STK32B: variants seen among roughly 807,000 people sequenced by gnomAD.
STK32B encodes serine/threonine kinase 32B.
A neutral mutation model predicts 52.6 loss-of-function variants in STK32B; 43 were observed. The observed-to-expected ratio is 0.82, with a 90% CI of 0.64 to 1.05. The LOEUF (loss-of-function observed/expected upper bound fraction) is 1.05. STK32B is among the 50% of genes least tolerant of loss of function. The pLI is 0.00. For missense variants in STK32B, 621 were observed against 534.6 expected, an observed-to-expected ratio of 1.16 and a Z score of -1.59; for synonymous variants, 238 against 204.3, an observed-to-expected ratio of 1.17 and a Z score of -1.41.
In STK32B at chr4:5,051,825, C is replaced by A. The variant is rs778778652; in HGVS notation, c.-39C>A. Reference sequence around the variant, plus strand: ...GTCCCACATCCCGCATCCGGCATCCCAGCGGCCGGGCATGTAGCAGCGGCA... The same window carrying A: ...GTCCCACATCCCGCATCCGGCATCCAAGCGGCCGGGCATGTAGCAGCGGCA... On this transcript the variant is annotated 5_prime_UTR_variant, in exon 1 of 12. Coordinates refer to ENST00000282908, the MANE Select transcript of STK32B (RefSeq NM_018401.3). The A allele has an allele frequency of 1.9e-6, 3 of 1,574,512 alleles. No individual in the cohort carries two copies. The highest frequency in any genetic ancestry group is 8.6e-7 in the Non-Finnish European group (1 of 1,160,986).
intron 1 of STK32B, among the ~76,000 whole-genome samples, chr4:5,136,160 C>A (rs1449756815): frequency 6.6e-6 from 1 of 152,152 alleles, no homozygotes; most frequent in Non-Finnish European, 1.5e-5. Context: ...CCACAGTGAT[C>A]CCTAAGGAGA....
chr4:5,334,085 G>A lies in STK32B; in HGVS notation c.434+2692G>A, dbSNP rs542079011. 3.4e-3 allele frequency among the ~76,000 whole-genome samples: 513 copies of A among 152,022 alleles called. 4 individuals are homozygous for A. The highest frequency in any genetic ancestry group is 0.025 in the South Asian group (121 of 4,814). On this transcript the variant is annotated intron_variant, in intron 4 of 11. Transcript: ENST00000282908. ...CCTTGGGCAGTATGGCCATTTTCAC[G>A]ATATTGATTCTTCCTACCCATGAGC...
intron 1 of STK32B, among the ~76,000 whole-genome samples, chr4:5,109,608 C>A (rs1307330718): frequency 2.6e-5 from 4 of 152,142 alleles, no homozygotes; most frequent in Non-Finnish European, 5.9e-5. Flanking sequence ...CCTCAACAGG[C>A]TAGACATAGA....
At chr4:5,074,214 G>GCC (rs1711951063) in intron 1 of STK32B, among the ~76,000 whole-genome samples, 1 of 151,606 alleles carries the variant, frequency 6.6e-6, no homozygotes, top group Non-Finnish European at 1.5e-5. Context: ...GTGTGTGCGC[G>GCC]TGCGTGAAAT....
intron 3 of STK32B, among the ~76,000 whole-genome samples, chr4:5,256,091 A>C (rs1443900792): frequency 6.6e-6 from 1 of 152,146 alleles, no homozygotes; most frequent in Non-Finnish European, 1.5e-5. Context: ...GTGGGAATTG[A>C]GCTGTAGGGG....
At chr4:5,127,271 A>G in intron 1 of STK32B, 1 of 419,566 alleles carries the variant, frequency 2.4e-6, no homozygotes, top group Non-Finnish European at 4.8e-6. Context: ...AACCACATTA[A>G]GTACTTAAAC....
At chr4:5,298,979 A>G (rs796426488) in intron 3 of STK32B, among the ~76,000 whole-genome samples, 5 of 152,204 alleles carry the variant, frequency 3.3e-5, no homozygotes, top group African/African-American at 1.2e-4. Flanking sequence ...TGGGAAAAGC[A>G]TAGTATCTGG....
rs571170448 is a variant in STK32B at position 5,448,974 on chromosome 4, A to G, written c.666+2198A>G. 5.9e-5 allele frequency among the ~76,000 whole-genome samples: 9 copies of G among 152,274 alleles called. No individual in the cohort carries two copies. The South Asian group carries it at 1.9e-3, about 32-fold the overall frequency. On this transcript the variant is annotated intron_variant, in intron 7 of 11. Coordinates refer to ENST00000282908, the MANE Select transcript of STK32B (RefSeq NM_018401.3). ...TTTAGGAGTTATCCCCCCTCTTGGA[A>G]TTCCTCAGTGATGTCAATGACAACA...
chr4:5,174,202 T>G (rs4295203), intron 3 of STK32B, among the ~76,000 whole-genome samples: 1 of 152,016 alleles, frequency 6.6e-6, no homozygotes, highest in African/African-American at 2.4e-5. Flanking sequence ...TGTCTCTGCA[T>G]GTGAGATGGG....
At chr4:5,446,441 C>T (rs1577515182) in intron 6 of STK32B, among the ~76,000 whole-genome samples, 1 of 151,926 alleles carries the variant, frequency 6.6e-6, no homozygotes, top group Non-Finnish European at 1.5e-5. Flanking sequence ...TGGCAGGTGC[C>T]TGTAATCTCA....
At chr4:5,193,058 G>A (rs930539544) in intron 3 of STK32B, among the ~76,000 whole-genome samples, 1 of 152,144 alleles carries the variant, frequency 6.6e-6, no homozygotes, top group African/African-American at 2.4e-5. Flanking sequence ...CCATGAAGAA[G>A]AGGAACCCCG....
chr4:5,230,464 A>G (rs996707261), intron 3 of STK32B, among the ~76,000 whole-genome samples: 3 of 152,204 alleles, frequency 2.0e-5, no homozygotes, highest in Middle Eastern at 3.4e-3. Flanking sequence ...TGCTGGCATT[A>G]CAGATGTGAG....
chr4:5,197,572 A>G (rs756000743), intron 3 of STK32B, among the ~76,000 whole-genome samples: 5 of 152,174 alleles, frequency 3.3e-5, no homozygotes, highest in African/African-American at 4.8e-5. Flanking sequence ...TGAATGCACT[A>G]TTTCTGGGCT....
At chr4:5,205,461 G>A (rs1468671943) in intron 3 of STK32B, among the ~76,000 whole-genome samples, 2 of 152,170 alleles carry the variant, frequency 1.3e-5, no homozygotes, top group African/African-American at 2.4e-5. Context: ...CAAGGTCCAG[G>A]GCACACAGAG....
chr4:5,151,475 G>C (rs141072735), intron 2 of STK32B, among the ~76,000 whole-genome samples: 2 of 152,188 alleles, frequency 1.3e-5, no homozygotes, highest in African/African-American at 4.8e-5. Context: ...TATGATAATA[G>C]CCTTGGTTAT....
intron 4 of STK32B, among the ~76,000 whole-genome samples, chr4:5,364,097 C>A (rs1044120649): frequency 6.6e-6 from 1 of 152,012 alleles, no homozygotes; most frequent in African/African-American, 2.4e-5. Context: ...CTGACCCCCC[C>A]CACTGTCCAC....
intron 3 of STK32B, among the ~76,000 whole-genome samples, chr4:5,282,225 G>A (rs924548050): frequency 2.6e-5 from 4 of 152,086 alleles, no homozygotes; most frequent in Non-Finnish European, 4.4e-5. Flanking sequence ...TATATATATT[G>A]TTTTTTACCT....
intron 1 of STK32B, among the ~76,000 whole-genome samples, chr4:5,077,366 C>T (rs1377074208): frequency 6.6e-6 from 1 of 152,070 alleles, no homozygotes; most frequent in Non-Finnish European, 1.5e-5. Context: ...CCTTATCCCC[C>T]AGTCTCACCC....
At position 5,380,992 on chromosome 4, in the gene STK32B, G is replaced by C. The variant is rs1362220598; in HGVS notation, c.435-17215G>C. On this transcript the variant is annotated intron_variant, in intron 4 of 11. Coordinates refer to ENST00000282908, the MANE Select transcript of STK32B (RefSeq NM_018401.3). The surrounding 1 kb of genome is among the most constrained non-coding windows in gnomAD (Gnocchi z 4.3). ...CACCGCCTGGGAAGCAATTTGCAGA[G>C]CAGTTACACAGTGTAAATGACCACG... Among the ~76,000 whole-genome samples the C allele has an allele frequency of 6.6e-6, 1 of 152,156 alleles. No individual in the cohort carries two copies. Among genetic ancestry groups the C allele is most frequent in the Non-Finnish European group, 1.5e-5 (1 of 68,026 alleles).
Sources: allele counts gnomAD v4.1 joint callset (sites outside exome capture counted in the v4.1 genomes callset), GRCh38; gene constraint gnomAD v4.1.1; non-coding constraint Gnocchi (gnomAD v3.1); transcripts MANE v1.5; gene names NCBI Gene and HGNC (gene_info 2026-07-23, HGNC 2026-07-21).